The following MEF2C variants were observed in gnomAD, a reference collection of about 807,000 sequenced individuals.
The protein encoded by MEF2C is myocyte enhancer factor 2C, also known as myocyte-specific enhancer factor 2C.
Under a neutral mutation model 50.5 loss-of-function variants are expected in MEF2C, and 6 were observed. That is an observed-to-expected ratio of 0.12 (90% CI 0.07 to 0.23). The LOEUF (loss-of-function observed/expected upper bound fraction) is 0.23. Ranked by LOEUF, MEF2C falls within the 10% of genes least tolerant of loss-of-function variation. The probability of loss-of-function intolerance (pLI) is 1.00; values close to 1 mark genes in which losing one functional copy is unlikely to be tolerated. For missense variants in MEF2C, 276 were observed against 605.0 expected, an observed-to-expected ratio of 0.46 and a Z score of 5.70; for synonymous variants, 183 against 228.0, an observed-to-expected ratio of 0.80 and a Z score of 1.78.
intron 2 of MEF2C, among the ~76,000 whole-genome samples, chr5:88,818,573 G>A (rs1227237052): frequency 6.6e-6 from 1 of 151,958 alleles, no homozygotes; most frequent in African/African-American, 2.4e-5. Flanking sequence ...TTTGAAAACA[G>A]GTCCCACAAG....
chr5:88,860,513 A>G (rs1178833908), intron 1 of MEF2C, among the ~76,000 whole-genome samples: 4 of 152,170 alleles, frequency 2.6e-5, no homozygotes, highest in Non-Finnish European at 5.9e-5. Context: ...ACTTTAAAAA[A>G]TGCCATATTC....
intron 6 of MEF2C, chr5:88,740,862 G>T (rs1216452427): frequency 5.1e-6 from 5 of 985,210 alleles, no homozygotes; most frequent in Non-Finnish European, 6.0e-6. Flanking sequence ...CTGTCTCTTT[G>T]CTAAAAATGA....
At chr5:88,763,904 A>C (rs1778898606) in intron 3 of MEF2C, among the ~76,000 whole-genome samples, 1 of 152,180 alleles carries the variant, frequency 6.6e-6, no homozygotes. Flanking sequence ...CTCCTGCCTC[A>C]GCTTCCCAAA....
chr5:88,724,819 T>C (rs1757980177), intron 10 of MEF2C, among the ~76,000 whole-genome samples: 1 of 152,146 alleles, frequency 6.6e-6, no homozygotes, highest in Non-Finnish European at 1.5e-5. Flanking sequence ...GAATAAAGAA[T>C]TTTCCTGGCT....
chr5:88,899,002 A>C (rs1835378982), intron 1 of MEF2C, among the ~76,000 whole-genome samples: 1 of 152,168 alleles, frequency 6.6e-6, no homozygotes, highest in Non-Finnish European at 1.5e-5. Flanking sequence ...TTGTGTGTGG[A>C]GAATATCTTT....
At chr5:88,782,343 G>A (rs551404146) in intron 3 of MEF2C, 2 of 186,640 alleles carry the variant, frequency 1.1e-5, no homozygotes, top group Non-Finnish European at 2.0e-5. Context: ...GTATGTGCCT[G>A]TGGTCCCAGC....
intron 10 of MEF2C, among the ~76,000 whole-genome samples, chr5:88,727,992 G>C (rs928713413): frequency 6.6e-6 from 1 of 151,756 alleles, no homozygotes; most frequent in Admixed American, 6.6e-5. Flanking sequence ...GTACTAGTTA[G>C]TATTATATAC....
intron 6 of MEF2C, chr5:88,733,231 G>A (rs1762446453): frequency 1.0e-6 from 1 of 985,184 alleles, no homozygotes; most frequent in South Asian, 4.7e-5. Context: ...TTGTGACTGG[G>A]CAGTAGGAAA....
rs1228317644 is a variant in MEF2C, at chr5:88,739,209, T to G, written c.638-7308A>C. The G allele has an allele frequency of 3.1e-6, 3 of 979,082 alleles. No homozygotes were observed. In the Admixed American group the frequency reaches 1.8e-4, roughly 60 times the overall value. 60.6% of individuals were successfully genotyped at this position (979,082 alleles called of 1,614,324 possible). On this transcript the variant is annotated intron_variant, in intron 6 of 10. Coordinates refer to ENST00000504921, the MANE Select transcript of MEF2C (RefSeq NM_002397.5). ...GTATAAAAATAATTTTGTTTAGTAATTTGTTAATAGTATCTGATTTTGAGG... is the reference window on the plus strand; with the variant it reads ...GTATAAAAATAATTTTGTTTAGTAAGTTGTTAATAGTATCTGATTTTGAGG...
chr5:88,786,651 C>T (rs1362541567), intron 3 of MEF2C, among the ~76,000 whole-genome samples: 1 of 152,056 alleles, frequency 6.6e-6, no homozygotes, highest in Non-Finnish European at 1.5e-5. Flanking sequence ...CCAGTGCTAA[C>T]AGAAAACAAA....
intron 4 of MEF2C, among the ~76,000 whole-genome samples, chr5:88,759,096 G>A (rs917570666): frequency 2.0e-5 from 3 of 152,138 alleles, no homozygotes; most frequent in African/African-American, 7.2e-5. Context: ...AAGGTACTCC[G>A]CCTTAACATC....
At chr5:88,741,162 C>T (rs1226452494) in intron 6 of MEF2C, 2 of 985,276 alleles carry the variant, frequency 2.0e-6, no homozygotes, top group African/African-American at 1.7e-5. Flanking sequence ...TCTGTGAAGC[C>T]TACTGGTGTG....
intron 6 of MEF2C, chr5:88,737,702 T>A (rs1764706512): frequency 4.1e-6 from 4 of 985,264 alleles, no homozygotes; most frequent in Non-Finnish European, 4.8e-6. Context: ...GACAGAGAGA[T>A]CTCAGAGTTT....
At chr5:88,764,733 G>A (rs897611973) in intron 3 of MEF2C, among the ~76,000 whole-genome samples, 1 of 145,704 alleles carries the variant, frequency 6.9e-6, no homozygotes. Context: ...ACTTGAACCC[G>A]GGAGCCAGAG....
At chr5:88,801,606 C>T (rs11955181) in intron 3 of MEF2C, among the ~76,000 whole-genome samples, 108 of 152,022 alleles carry the variant, frequency 7.1e-4, no homozygotes, top group African/African-American at 2.4e-3. Flanking sequence ...CATTCTCCTG[C>T]CTCTCGAGTA....
intron 2 of MEF2C, 79 bp downstream of exon 2, chr5:88,823,656 G>A (rs1006032304): frequency 7.7e-7 from 1 of 1,299,376 alleles, no homozygotes; most frequent in Non-Finnish European, 1.1e-6. Flanking sequence ...ACAGATTCAA[G>A]ATATTTTCTG....
At position 88,835,982 on chromosome 5, in the gene MEF2C, T is replaced by C. The variant is rs537762575; in HGVS notation, c.-142-12052A>G. Among the ~76,000 whole-genome samples the C allele has an allele frequency of 2.0e-5, 3 of 152,266 alleles. No individual in the cohort carries two copies. The South Asian group carries it at 6.2e-4, about 32-fold the overall frequency. On this transcript the variant is annotated intron_variant, in intron 1 of 10. Transcript: ENST00000504921. ...CCTATGCCTTAAGGAATTAGGGGTATATATTTTCAATTCTCCCTCCTCTTT... is the reference window on the plus strand; with the variant it reads ...CCTATGCCTTAAGGAATTAGGGGTACATATTTTCAATTCTCCCTCCTCTTT...
chr5:88,805,860 G>A (rs903250143), intron 2 of MEF2C, among the ~76,000 whole-genome samples: 2 of 114,542 alleles, frequency 1.7e-5, no homozygotes, highest in African/African-American at 6.8e-5. Context: ...TGGAGACGGA[G>A]TCTCTTATAA....
chr5:88,830,315 G>A (rs529527736), intron 1 of MEF2C, among the ~76,000 whole-genome samples: 127 of 152,042 alleles, frequency 8.4e-4, no homozygotes, highest in African/African-American at 1.5e-3. Flanking sequence ...GAGATGAAAT[G>A]TATGTCAGAA....
Sources: gnomAD v4.1 joint callset for allele counts (sites outside exome capture counted in the v4.1 genomes callset) on GRCh38, gnomAD v4.1.1 for gene constraint, MANE v1.5 for transcripts, NCBI Gene and HGNC (gene_info 2026-07-23, HGNC 2026-07-21) for gene names.